SYNPR: variants seen among roughly 807,000 people sequenced by gnomAD.
The protein encoded by SYNPR is synaptoporin.
A neutral mutation model predicts 32.9 loss-of-function variants in SYNPR; 23 were observed. The ratio of observed to expected loss-of-function variants is 0.70; its 90% CI spans 0.50 to 0.99. SYNPR has a LOEUF of 0.99. Among genes scored for constraint, SYNPR ranks in the 50% least tolerant of loss-of-function variants. The probability of loss-of-function intolerance (pLI) is 0.00; values close to 1 mark genes in which losing one functional copy is unlikely to be tolerated. For synonymous variants in SYNPR, 146 were observed against 135.9 expected (o/e 1.07, Z -0.52); for missense variants, 318 against 349.3 (o/e 0.91, Z 0.71).
chr3:63,278,811 G>C, intron 2 of SYNPR, 69 bp downstream of exon 2: 1 of 1,493,872 alleles, frequency 6.7e-7, no homozygotes, highest in Non-Finnish European at 9.1e-7. Flanking sequence ...AGGTCGGATG[G>C]GGTGCTCCCT....
chr3:63,468,512 C>G (rs2106670323), intron 2 of SYNPR, among the ~76,000 whole-genome samples: 1 of 152,018 alleles, frequency 6.6e-6, no homozygotes, highest in South Asian at 2.1e-4. Flanking sequence ...CACACACACA[C>G]ACAAATGCTT....
intron 2 of SYNPR, among the ~76,000 whole-genome samples, chr3:63,422,860 A>G (rs1270881235): frequency 6.6e-6 from 1 of 152,216 alleles, no homozygotes; most frequent in African/African-American, 2.4e-5. Context: ...TACTCATTGT[A>G]TATTGTTGCA....
intron 1 of SYNPR, among the ~76,000 whole-genome samples, chr3:63,243,117 A>C (rs1464069421): frequency 6.6e-6 from 1 of 151,982 alleles, no homozygotes; most frequent in Admixed American, 6.6e-5. Flanking sequence ...TTCTAGGGAG[A>C]GAGAGTAAAG....
chr3:63,211,934 C>T, the SYNPR span, among the ~76,000 whole-genome samples: 1 of 94,078 alleles, frequency 1.1e-5, no homozygotes, highest in Non-Finnish European at 2.2e-5. Flanking sequence ...TGTTCAATTC[C>T]CACCTATGAG....
At chr3:63,300,960 T>TA (rs34752337) in intron 2 of SYNPR, among the ~76,000 whole-genome samples, 21 of 151,880 alleles carry the variant, frequency 1.4e-4, no homozygotes, top group Non-Finnish European at 2.2e-4. Context: ...CCCTATTTTC[T>TA]AAAAAAAACC....
intron 1 of SYNPR, among the ~76,000 whole-genome samples, chr3:63,233,681 A>G (rs1039504403): frequency 7.9e-5 from 12 of 151,152 alleles, no homozygotes; most frequent in African/African-American, 2.9e-4. Context: ...ACTGAAAAGA[A>G]TAATACTACG....
intron 2 of SYNPR, among the ~76,000 whole-genome samples, chr3:63,310,612 G>A (rs1279960545): frequency 6.6e-6 from 1 of 151,946 alleles, no homozygotes; most frequent in African/African-American, 2.4e-5. Flanking sequence ...CAAGGCCAGT[G>A]GGAAGAATAT....
intron 3 of SYNPR, among the ~76,000 whole-genome samples, chr3:63,501,494 CAAA>C (rs377290258): frequency 2.1e-5 from 2 of 96,740 alleles, no homozygotes; most frequent in Non-Finnish European, 4.3e-5. Context: ...CTCCCCCAAC[CAAA>C]AAAAAAAAAA....
chr3:63,451,689 C>T (rs1700382540), intron 2 of SYNPR, among the ~76,000 whole-genome samples: 1 of 152,092 alleles, frequency 6.6e-6, no homozygotes. Context: ...ATCCTGGAAG[C>T]TCCTCAGGGG....
intron 3 of SYNPR, among the ~76,000 whole-genome samples, chr3:63,517,718 C>T (rs913133133): frequency 6.6e-6 from 1 of 152,084 alleles, no homozygotes; most frequent in Non-Finnish European, 1.5e-5. Flanking sequence ...TAGATCAATA[C>T]TACCCAAAAA....
chr3:63,480,707 G>C lies in SYNPR; in HGVS notation c.85-125G>C, dbSNP rs779371264. The C allele has an allele frequency of 6.0e-5, 76 of 1,259,380 alleles. 1 individual carries two copies. Among genetic ancestry groups the C allele is most frequent in the Non-Finnish European group, 8.2e-5 (75 of 915,874 alleles). The allele number at this position is 1,259,380 out of a possible 1,614,324, so 78.0% of individuals were successfully genotyped here. ...CCTTCATCTTCCAGCTGAACCAAGG[G>C]CAATGCTCTTCTTCAGAAGGACCAT... is the stretch of plus-strand genomic sequence containing the variant. On this transcript the variant is annotated intron_variant, in intron 2 of 5. Transcript: ENST00000478300.
intron 3 of SYNPR, among the ~76,000 whole-genome samples, chr3:63,506,912 C>T (rs545354060): frequency 1.8e-4 from 27 of 152,198 alleles, no homozygotes; most frequent in Non-Finnish European, 3.1e-4. Flanking sequence ...ACTGCAGACT[C>T]AAACACCAAT....
At chr3:63,351,108 C>T (rs1028595219) in intron 2 of SYNPR, among the ~76,000 whole-genome samples, 1 of 152,112 alleles carries the variant, frequency 6.6e-6, no homozygotes, top group Non-Finnish European at 1.5e-5. Context: ...CCCTGATCTT[C>T]GTTGGTTTTA....
At chr3:63,446,278 A>AT (rs1700274513) in intron 2 of SYNPR, among the ~76,000 whole-genome samples, 3 of 136,984 alleles carry the variant, frequency 2.2e-5, no homozygotes, top group African/African-American at 7.6e-5. Flanking sequence ...CACTCCCACC[A>AT]TGTTTTTTTT....
At chr3:63,519,726 C>T (rs539939504) in intron 3 of SYNPR, among the ~76,000 whole-genome samples, 3 of 152,312 alleles carry the variant, frequency 2.0e-5, no homozygotes, top group African/African-American at 7.2e-5. Context: ...AAACCTGATG[C>T]TAAGCAGTAA....
chr3:63,546,180 T>A (rs1337234611), intron 3 of SYNPR, among the ~76,000 whole-genome samples: 1 of 152,144 alleles, frequency 6.6e-6, no homozygotes, highest in Non-Finnish European at 1.5e-5. Flanking sequence ...TCAAATTCTA[T>A]TTGAAGAGCC....
chr3:63,492,373 G>A lies in SYNPR; in HGVS notation c.209+11417G>A, dbSNP rs115968204. Among the ~76,000 whole-genome samples, 1,421 of 152,248 alleles carry A rather than the reference G, an allele frequency of 9.3e-3. 15 individuals carry two copies. Among genetic ancestry groups the A allele is most frequent in the African/African-American group, 0.031 (1,296 of 41,552 alleles). On this transcript the variant is annotated intron_variant, in intron 3 of 5. Coordinates refer to ENST00000478300, the MANE Select transcript of SYNPR (RefSeq NM_001130003.2). Reference sequence around the variant, plus strand: ...GAGAGAGTTAGACCTCTAATTCTACGAAAATACAGAGGAACAGTAGAACTT... The same window carrying A: ...GAGAGAGTTAGACCTCTAATTCTACAAAAATACAGAGGAACAGTAGAACTT...
chr3:63,517,846 CT>C (rs1444482568), intron 3 of SYNPR, among the ~76,000 whole-genome samples: 3 of 152,130 alleles, frequency 2.0e-5, no homozygotes, highest in African/African-American at 7.2e-5. Context: ...CTAATCATTG[CT>C]GTTTACTGGA....
intron 4 of SYNPR, among the ~76,000 whole-genome samples, chr3:63,595,671 A>C (rs1158024126): frequency 7.7e-6 from 1 of 130,480 alleles, no homozygotes; most frequent in Non-Finnish European, 1.6e-5. Flanking sequence ...CACGGTACCT[A>C]GTGTGTGATA....
Sources: allele counts gnomAD v4.1 joint callset (sites outside exome capture counted in the v4.1 genomes callset), GRCh38; gene constraint gnomAD v4.1.1; transcripts MANE v1.5; gene names NCBI Gene and HGNC (gene_info 2026-07-23, HGNC 2026-07-21).